BEND4: variants seen among roughly 807,000 people sequenced by gnomAD.
BEND4 encodes BEN domain containing 4.
Under a neutral mutation model 54.7 loss-of-function variants are expected in BEND4, and 27 were observed. That is an observed-to-expected ratio of 0.49 (90% CI 0.36 to 0.68). The LOEUF is 0.68. Ranked by LOEUF, BEND4 falls within the 30% of genes least tolerant of loss-of-function variation. The pLI is 0.00. For missense variants in BEND4, 702 were observed against 697.2 expected (o/e 1.01, Z -0.08); for synonymous variants, 327 against 299.5 (o/e 1.09, Z -0.95).
chr4:42,151,561 CG>C (rs1340195135), intron 2 of BEND4, 95 bp downstream of exon 2: 7 of 1,290,626 alleles, frequency 5.4e-6, no homozygotes, highest in Middle Eastern at 2.4e-4. Flanking sequence ...CGGCCCAGCA[CG>C]GGTAAGTGTC....
intron 2 of BEND4, among the ~76,000 whole-genome samples, chr4:42,146,065 C>T (rs1721071651): frequency 6.6e-6 from 1 of 152,110 alleles, no homozygotes; most frequent in Admixed American, 6.5e-5. Context: ...GCAGTATTAC[C>T]CTCAGACCTT....
rs897461055 is a variant in BEND4 at position 42,114,768 on chromosome 4, T to C, written c.*2750A>G. 1 of 152,178 alleles carries C rather than the reference T, an allele frequency of 6.6e-6. No homozygotes were observed. Among genetic ancestry groups the C allele is most frequent in the Non-Finnish European group, 1.5e-5 (1 of 68,072 alleles). 9.4% of individuals were successfully genotyped at this position (152,178 alleles called of 1,614,324 possible). On this transcript the variant is annotated 3_prime_UTR_variant, in exon 6 of 6. Transcript: ENST00000502486. ...ACAAATGAACATCCTTTGTTGGTCC[T>C]GATTTAAACAAGAGGAGACCATGCA...
In BEND4 at chr4:42,152,014, G is replaced by A. The variant is rs1382653620; in HGVS notation, c.130C>T (p.Pro44Ser). ...ACGTGCGGCAGCTCCACCAGGGTGG[G>A]TCGCTCGTAGCGCTTGGCCAGCGCC... is the stretch of plus-strand genomic sequence containing the variant. ...RPALAKRYERPTLVELPHVRA... is the reference protein window; with the variant it reads ...RPALAKRYERSTLVELPHVRA... The change falls in exon 2 of 6, where the codon CCC becomes TCC. Residue 44 changes from proline to serine, a missense_variant. By Grantham distance (74) the Pro-to-Ser change is moderately conservative. Coordinates refer to ENST00000502486, the MANE Select transcript of BEND4 (RefSeq NM_207406.4). The A allele has an allele frequency of 3.0e-5, 38 of 1,253,816 alleles. No homozygotes were observed. Among genetic ancestry groups the A allele is most frequent in the Non-Finnish European group, 3.4e-5 (34 of 993,650 alleles). 77.7% of individuals were successfully genotyped at this position (1,253,816 alleles called of 1,614,324 possible).
intron 3 of BEND4, among the ~76,000 whole-genome samples, chr4:42,135,050 CT>C (rs1457753156): frequency 6.6e-6 from 1 of 152,100 alleles, no homozygotes; most frequent in Non-Finnish European, 1.5e-5. Flanking sequence ...AGTGGGTGAC[CT>C]GGGGCTGTTT....
At chr4:42,142,636 CAA>C (rs56802075) in intron 3 of BEND4, among the ~76,000 whole-genome samples, 29 of 54,230 alleles carry the variant, frequency 5.3e-4, no homozygotes, top group African/African-American at 8.5e-4. Flanking sequence ...GACTCCGTCT[CAA>C]AAAAAAAAAA....
Position 42,120,308 on chromosome 4 carries a change from A to G in BEND4, c.1147-14T>C, listed in dbSNP as rs369697257. ...CTGCTTGCTTCCCTGGAAAAGCGAAATATTTTCTCATTACCCACCGAGCCA... is the reference window on the plus strand; with the variant it reads ...CTGCTTGCTTCCCTGGAAAAGCGAAGTATTTTCTCATTACCCACCGAGCCA... On this transcript the variant is annotated splice_polypyrimidine_tract_variant and intron_variant, in intron 4 of 5. Transcript: ENST00000502486. The G allele has an allele frequency of 6.3e-7, 1 of 1,591,676 alleles. No individual in the cohort carries two copies. The highest frequency in any genetic ancestry group is 1.3e-5 in the African/African-American group (1 of 74,552).
intron 3 of BEND4, among the ~76,000 whole-genome samples, chr4:42,141,627 G>A (rs1720884267): frequency 6.6e-6 from 1 of 152,106 alleles, no homozygotes; most frequent in Non-Finnish European, 1.5e-5. Context: ...TGTACTCCTA[G>A]CTACTCAGGA....
At chr4:42,123,708 A>C (rs868194946) in intron 4 of BEND4, among the ~76,000 whole-genome samples, 4 of 151,282 alleles carry the variant, frequency 2.6e-5, no homozygotes, top group African/African-American at 7.3e-5. Flanking sequence ...AAAAAAAAAA[A>C]AAAAAAAAAC....
chr4:42,118,613 C>T (rs937214299), intron 5 of BEND4, among the ~76,000 whole-genome samples: 2 of 152,176 alleles, frequency 1.3e-5, no homozygotes, highest in Non-Finnish European at 2.9e-5. Flanking sequence ...TCCATCAGTT[C>T]TACTGACTTG....
chr4:42,139,318 TAGAG>T (rs988879550), intron 3 of BEND4, among the ~76,000 whole-genome samples: 14 of 152,330 alleles, frequency 9.2e-5, no homozygotes, highest in Admixed American at 3.3e-4. Context: ...TCTGAAAAGT[TAGAG>T]AGAATTTTCC....
chr4:42,151,718 C>T lies in BEND4; in HGVS notation c.426G>A (p.Ala142=), dbSNP rs748376382. ...TGCCGCCGGTGCCGGCGGCCGCCGCCGCGCCTGGGCCATACCTGACGACAG... is the reference window on the plus strand; with the variant it reads ...TGCCGCCGGTGCCGGCGGCCGCCGCTGCGCCTGGGCCATACCTGACGACAG... ...FAAVVRYGPG[A]AAAAGTGGTG... The change falls in exon 2 of 6, where the codon GCG becomes GCA. Residue 142 remains alanine, a synonymous_variant. Transcript: ENST00000502486. 54 of 1,502,748 alleles carry T rather than the reference C, an allele frequency of 3.6e-5. No individual in the cohort carries two copies. The South Asian group carries it at 4.5e-4, about 12-fold the overall frequency. 93.1% of individuals were successfully genotyped at this position (1,502,748 alleles called of 1,614,324 possible). A position where few individuals can be genotyped will look rare whatever the true frequency, so the allele number is the denominator to read the frequency against.
rs1443181409 is a variant in BEND4 at position 42,116,369 on chromosome 4, A to G, written c.*1149T>C. The stretch of plus-strand genomic sequence containing the variant: ...TGGAAAGTTTCCAAAGATACCACTA[A>G]TTTCACATATGGAACTCAACAAATT... On this transcript the variant is annotated 3_prime_UTR_variant, in exon 6 of 6. Coordinates refer to ENST00000502486, the MANE Select transcript of BEND4 (RefSeq NM_207406.4). The G allele has an allele frequency of 6.6e-6, 1 of 152,196 alleles. No homozygotes were observed. Among genetic ancestry groups the G allele is most frequent in the Non-Finnish European group, 1.5e-5 (1 of 68,036 alleles). 9.4% of individuals were successfully genotyped at this position (152,196 alleles called of 1,614,324 possible).
intron 2 of BEND4, among the ~76,000 whole-genome samples, chr4:42,145,299 C>T (rs1249757104): frequency 2.6e-5 from 4 of 152,316 alleles, no homozygotes; most frequent in South Asian, 2.1e-4. Context: ...CAGTGCTCAA[C>T]GTTCCACTGT....
intron 3 of BEND4, among the ~76,000 whole-genome samples, chr4:42,128,615 C>A (rs1253641121): frequency 6.6e-6 from 1 of 151,518 alleles, no homozygotes; most frequent in Non-Finnish European, 1.5e-5. Context: ...CAGAGCAAGA[C>A]TCCGTCTCAA....
Position 42,111,377 on chromosome 4 carries a change from T to C in BEND4, c.*6141A>G. On this transcript the variant is annotated 3_prime_UTR_variant, in exon 6 of 6. Transcript: ENST00000502486. The stretch of plus-strand genomic sequence containing the variant: ...CAAGTATTCATCATAGAAAATAGAG[T>C]AAAGGCAACTCGGCCCCGGTGTTAG... 6.6e-6 allele frequency: 1 copy of C among 152,056 alleles called. No homozygotes were observed. The highest frequency in any genetic ancestry group is 1.9e-4 in the East Asian group (1 of 5,192). The allele number at this position is 152,056 out of a possible 1,614,324, so 9.4% of individuals were successfully genotyped here.
At chr4:42,125,263 C>T (rs1187420226) in intron 4 of BEND4, among the ~76,000 whole-genome samples, 1 of 152,206 alleles carries the variant, frequency 6.6e-6, no homozygotes, top group Non-Finnish European at 1.5e-5. Context: ...ATGTGGAACA[C>T]AGGCTCTGTC....
chr4:42,147,649 C>G (rs1420156702), intron 2 of BEND4, among the ~76,000 whole-genome samples: 1 of 152,060 alleles, frequency 6.6e-6, no homozygotes, highest in African/African-American at 2.4e-5. Flanking sequence ...AAAATGCCCA[C>G]TTCTCTCTAA....
intron 4 of BEND4, among the ~76,000 whole-genome samples, chr4:42,121,566 C>T (rs1176399137): frequency 1.3e-5 from 2 of 152,184 alleles, no homozygotes; most frequent in East Asian, 3.8e-4. Flanking sequence ...CTGAAAGGAA[C>T]TGAATTATCA....
chr4:42,116,420 G>C lies in BEND4; in HGVS notation c.*1098C>G, dbSNP rs368118325. 8 of 152,222 alleles carry C rather than the reference G, an allele frequency of 5.3e-5. No homozygotes were observed. Among genetic ancestry groups the C allele is most frequent in the African/African-American group, 1.9e-4 (8 of 41,442 alleles). 9.4% of individuals were successfully genotyped at this position (152,222 alleles called of 1,614,324 possible). A position where few individuals can be genotyped will look rare whatever the true frequency, so the allele number is the denominator to read the frequency against. ...AACCAGGGGATAGCGGCACAGTGCT[G>C]ACTTAGCCATAGCTAAGGGGTACAT... On this transcript the variant is annotated 3_prime_UTR_variant, in exon 6 of 6. Transcript: ENST00000502486.
Sources: gnomAD v4.1 joint callset for allele counts (sites outside exome capture counted in the v4.1 genomes callset) on GRCh38, gnomAD v4.1.1 for gene constraint, MANE v1.5 for transcripts, NCBI Gene and HGNC (gene_info 2026-07-23, HGNC 2026-07-21) for gene names.